Variants in RBFOX1 observed in about 807,000 individuals in gnomAD.
RBFOX1 encodes RNA binding fox-1 homolog 1, also known as RNA binding protein fox-1 homolog 1.
A neutral mutation model predicts 57.7 loss-of-function variants in RBFOX1; 8 were observed. That is an observed-to-expected ratio of 0.14 (90% CI 0.08 to 0.25). The LOEUF (loss-of-function observed/expected upper bound fraction) is 0.25. Among genes scored for constraint, RBFOX1 ranks in the 10% least tolerant of loss-of-function variants. The pLI is 1.00. For missense variants in RBFOX1, 611 were observed against 548.5 expected (o/e 1.11, Z -1.14); for synonymous variants, 326 against 222.4 (o/e 1.47, Z -4.15).
At chr16:5,541,714 T>G (rs1007181392) in intron 2 of RBFOX1, among the ~76,000 whole-genome samples, 1 of 152,188 alleles carries the variant, frequency 6.6e-6, no homozygotes, top group African/African-American at 2.4e-5. Context: ...TTATTTTCCT[T>G]TCACAGTATC....
intron 4 of RBFOX1, among the ~76,000 whole-genome samples, chr16:5,953,805 C>T (rs1597938104): frequency 6.6e-6 from 1 of 151,932 alleles, no homozygotes; most frequent in East Asian, 1.9e-4. Flanking sequence ...AATTGTGCTG[C>T]TGTAAACCTG....
chr16:7,304,214 CAGAGAGAG>C lies in RBFOX1; in HGVS notation c.28-213907_28-213900del, dbSNP rs60200317. 1.6e-3 allele frequency: 1,462 copies of C among 921,580 alleles called. 9 individuals carry two copies. The African/African-American group carries it at 0.019, about 12-fold the overall frequency. The allele number at this position is 921,580 out of a possible 1,614,324, so 57.1% of individuals were successfully genotyped here. On this transcript the variant is annotated intron_variant, in intron 4 of 15. Transcript: ENST00000550418. ...AGGGGGAGAGAGACAGAGAGAGAGA[CAGAGAGAG>C]AGAGAGAGAGAGAGAGAGAGAGAGA...
At chr16:7,171,363 T>C (rs989364794) in intron 4 of RBFOX1, among the ~76,000 whole-genome samples, 8 of 152,196 alleles carry the variant, frequency 5.3e-5, no homozygotes, top group African/African-American at 1.9e-4. Context: ...GCTGAGCACT[T>C]GACACATAGT....
intron 2 of RBFOX1, among the ~76,000 whole-genome samples, chr16:6,421,132 G>C (rs1476929918): frequency 6.6e-6 from 1 of 152,188 alleles, no homozygotes; most frequent in African/African-American, 2.4e-5. Context: ...ATGAACCGTG[G>C]TGTAAACAAG....
chr16:6,791,804 C>A (rs762526111), intron 3 of RBFOX1, among the ~76,000 whole-genome samples: 3 of 152,072 alleles, frequency 2.0e-5, no homozygotes, highest in Non-Finnish European at 4.4e-5. Context: ...GAGTGGCATC[C>A]CTGTGTGTAC....
At chr16:5,818,697 G>A (rs536580873) in intron 3 of RBFOX1, among the ~76,000 whole-genome samples, 5 of 152,326 alleles carry the variant, frequency 3.3e-5, no homozygotes, top group East Asian at 3.9e-4. Context: ...AGTCTTGACC[G>A]TAGAGGGGAC....
intron 1 of RBFOX1, among the ~76,000 whole-genome samples, chr16:5,432,829 G>T (rs4273040): frequency 6.6e-6 from 1 of 150,976 alleles, no homozygotes; most frequent in Non-Finnish European, 1.5e-5. Context: ...TCTGTCTCCT[G>T]GGTTGGAGTG....
chr16:6,914,096 C>T (rs1238363688), intron 3 of RBFOX1, among the ~76,000 whole-genome samples: 1 of 152,164 alleles, frequency 6.6e-6, no homozygotes, highest in African/African-American at 2.4e-5. Flanking sequence ...CTATCCAGTG[C>T]TAAAACATTT....
At chr16:7,090,767 C>G (rs2060700513) in intron 4 of RBFOX1, among the ~76,000 whole-genome samples, 1 of 152,180 alleles carries the variant, frequency 6.6e-6, no homozygotes, top group Admixed American at 6.5e-5. Context: ...GAGGGGGAAA[C>G]AGCCTTCCCT....
chr16:5,425,643 T>C (rs568417847), intron 1 of RBFOX1, among the ~76,000 whole-genome samples: 94 of 152,240 alleles, frequency 6.2e-4, no homozygotes, highest in African/African-American at 7.7e-4. Context: ...GGGAAATAAG[T>C]CTGGCTGAGC....
chr16:6,450,845 A>ATATG (rs2094600058), intron 2 of RBFOX1, among the ~76,000 whole-genome samples: 1 of 63,266 alleles, frequency 1.6e-5, no homozygotes, highest in Non-Finnish European at 3.2e-5. Context: ...ATGTGTATAT[A>ATATG]TATATATATA....
intron 4 of RBFOX1, among the ~76,000 whole-genome samples, chr16:7,419,488 G>T (rs907016627): frequency 2.6e-5 from 4 of 152,196 alleles, no homozygotes; most frequent in African/African-American, 9.7e-5. Flanking sequence ...ATTGTGCCTT[G>T]TCAGGCCCAC....
chr16:5,505,629 G>A (rs1259291597), intron 2 of RBFOX1, among the ~76,000 whole-genome samples: 1 of 152,154 alleles, frequency 6.6e-6, no homozygotes, highest in Non-Finnish European at 1.5e-5. Flanking sequence ...TCTTCCCTGG[G>A]TGAGTGCCTG....
chr16:6,695,041 C>T (rs866712406), intron 3 of RBFOX1, among the ~76,000 whole-genome samples: 2 of 152,042 alleles, frequency 1.3e-5, no homozygotes, highest in African/African-American at 2.4e-5. Context: ...ATCAGCCAGG[C>T]TTTGATGCAT....
intron 1 of RBFOX1, among the ~76,000 whole-genome samples, chr16:6,041,028 C>A (rs1228630898): frequency 1.3e-5 from 2 of 152,094 alleles, no homozygotes; most frequent in African/African-American, 4.8e-5. Flanking sequence ...TGGACAAATA[C>A]ATAATGTTAC....
intron 1 of RBFOX1, among the ~76,000 whole-genome samples, chr16:5,396,619 A>T (rs889232253): frequency 1.3e-5 from 2 of 152,140 alleles, no homozygotes; most frequent in Non-Finnish European, 2.9e-5. Flanking sequence ...TCCAGCCTGG[A>T]TGACAGAACA....
rs192438332 is a variant in RBFOX1, at chr16:7,322,713, C to G, written c.28-195434C>G. 2.6e-4 allele frequency among the ~76,000 whole-genome samples: 40 copies of G among 152,254 alleles called. No individual in the cohort carries two copies. The East Asian group carries it at 7.0e-3, about 27-fold the overall frequency. On this transcript the variant is annotated intron_variant, in intron 4 of 15. Coordinates refer to ENST00000550418, the MANE Select transcript of RBFOX1 (RefSeq NM_018723.4). Reference sequence around the variant, plus strand: ...AAGATTGAGGAACCGCAGTTTCACCCTTAGAAGAGGCTCAATGGTATGGGA... The same window carrying G: ...AAGATTGAGGAACCGCAGTTTCACCGTTAGAAGAGGCTCAATGGTATGGGA...
chr16:6,747,422 ATCT>A (rs2073940928), intron 3 of RBFOX1, among the ~76,000 whole-genome samples: 1 of 147,838 alleles, frequency 6.8e-6, no homozygotes, highest in Non-Finnish European at 1.5e-5. Flanking sequence ...GAAAAAAAAA[ATCT>A]ATCAGTCAGT....
intron 1 of RBFOX1, among the ~76,000 whole-genome samples, chr16:6,207,967 ATGT>A (rs886542168): frequency 1.3e-5 from 2 of 151,922 alleles, no homozygotes; most frequent in African/African-American, 4.8e-5. Context: ...CATTAGGGAG[ATGT>A]TGTAGTGATT....
Sources: allele counts gnomAD v4.1 joint callset (sites outside exome capture counted in the v4.1 genomes callset), GRCh38; gene constraint gnomAD v4.1.1; transcripts MANE v1.5; gene names NCBI Gene and HGNC (gene_info 2026-07-23, HGNC 2026-07-21).